Variants in TPO observed in about 807,000 individuals in gnomAD.
The protein encoded by TPO is thyroid microsomal antigen.
In TPO, 78 loss-of-function variants were observed where a neutral mutation model predicts 96.9. That is an observed-to-expected ratio of 0.81 (90% CI 0.67 to 0.97). TPO has a LOEUF of 0.97. TPO is among the 50% of genes least tolerant of loss of function. The pLI, the probability that TPO is intolerant of heterozygous loss-of-function variation, is 0.00. For synonymous variants in TPO, 547 were observed against 538.0 expected (o/e 1.02, Z -0.23); for missense variants, 1,252 against 1,274.8 (o/e 0.98, Z 0.27).
intron 15 of TPO, among the ~76,000 whole-genome samples, chr2:1,526,267 C>T (rs536991401): frequency 1.8e-5 from 2 of 111,860 alleles, no homozygotes; most frequent in Non-Finnish European, 3.5e-5. Context: ...TGAGCAACCA[C>T]CCCAGTCCCC....
intron 1 of TPO, among the ~76,000 whole-genome samples, chr2:1,407,188 G>A (rs1314981959): frequency 6.6e-6 from 1 of 152,172 alleles, no homozygotes; most frequent in Non-Finnish European, 1.5e-5. Context: ...CAAATTGTAT[G>A]TGTACTATTA....
At chr2:1,502,939 G>A (rs538744677) in intron 13 of TPO, among the ~76,000 whole-genome samples, 2 of 152,318 alleles carry the variant, frequency 1.3e-5, no homozygotes, top group Non-Finnish European at 2.9e-5. Flanking sequence ...CTGGGGAGCA[G>A]GTGGCCAGCC....
intron 15 of TPO, among the ~76,000 whole-genome samples, chr2:1,528,185 CATCCCCCCACTGTGTGCAACCTCCTCCA>C (rs1677073457): frequency 8.2e-6 from 1 of 121,838 alleles, no homozygotes; most frequent in Non-Finnish European, 1.7e-5. Context: ...CAAACCCCCA[CATCCCCCCACTGTGTGCAACCTCCTCCA>C]ATCCCCCCAC....
In TPO at chr2:1,436,389, T is replaced by A; in HGVS notation, c.482+5T>A. 6.2e-7 allele frequency: 1 copy of A among 1,614,134 alleles called. No homozygotes were observed. Among genetic ancestry groups the A allele is most frequent in the Non-Finnish European group, 8.5e-7 (1 of 1,180,016 alleles). Reference sequence around the variant, plus strand: ...CACAGGAGCTTGCAACAACAGGTATTGTTTGTGGATTTTCTTAATCTTCTC... The same window carrying A: ...CACAGGAGCTTGCAACAACAGGTATAGTTTGTGGATTTTCTTAATCTTCTC... On this transcript the variant is annotated splice_donor_5th_base_variant and intron_variant, in intron 5 of 16. Coordinates refer to ENST00000329066, the MANE Select transcript of TPO (RefSeq NM_001206744.2).
Position 1,477,411 on chromosome 2 carries a change from C to G in TPO, c.1145C>G (p.Pro382Arg), listed in dbSNP as rs1024606732. Reference protein sequence around the residue: ...PAACAPEPGIPGETRGPCFLA... With the variant: ...PAACAPEPGIRGETRGPCFLA... ...GCCTGTGCGCCCGAGCCCGGCATCCCCGGAGAGACCCGCGGGCCCTGCTTC... is the reference window on the plus strand; with the variant it reads ...GCCTGTGCGCCCGAGCCCGGCATCCGCGGAGAGACCCGCGGGCCCTGCTTC... Residue 382 changes from proline (P) to arginine (R), a missense_variant, in exon 8 of 17, where the codon CCC becomes CGC. Transcript: ENST00000329066. The G allele has an allele frequency of 3.9e-6, 6 of 1,525,714 alleles. No homozygotes were observed. Among genetic ancestry groups the G allele is most frequent in the Non-Finnish European group, 5.3e-6 (6 of 1,139,996 alleles). 94.5% of individuals were successfully genotyped at this position (1,525,714 alleles called of 1,614,324 possible).
rs564853522 is a variant in TPO, at chr2:1,536,828, G to A, written c.2619-3766G>A. Among the ~76,000 whole-genome samples, 302 of 90,778 alleles carry A rather than the reference G, an allele frequency of 3.3e-3. 3 individuals carry two copies. Among genetic ancestry groups the A allele is most frequent in the African/African-American group, 0.011 (280 of 24,438 alleles). The allele number at this position is 90,778 out of a possible 152,430, so 59.6% of individuals were successfully genotyped here. The stretch of plus-strand genomic sequence containing the variant: ...AACCTCCCCAAATCCCCCCCACTGT[G>A]TGCAACCTCCCCAAATCCCGCCACT... On this transcript the variant is annotated intron_variant, in intron 15 of 16. Coordinates refer to ENST00000329066, the MANE Select transcript of TPO (RefSeq NM_001206744.2).
chr2:1,540,881 C>T (rs1680683545), intron 16 of TPO, 158 bp downstream of exon 16: 2 of 1,548,580 alleles, frequency 1.3e-6, no homozygotes, highest in African/African-American at 2.7e-5. Flanking sequence ...TATTTACAAG[C>T]TAATGACAGT....
intron 7 of TPO, among the ~76,000 whole-genome samples, chr2:1,472,197 C>T (rs1669489414): frequency 1.3e-5 from 2 of 152,106 alleles, no homozygotes; most frequent in African/African-American, 2.4e-5. Flanking sequence ...CGTGAATGCT[C>T]ATGGCGTGCC....
intron 1 of TPO, among the ~76,000 whole-genome samples, chr2:1,401,687 TTCTGTACCTCAAA>T (rs1211272552): frequency 6.6e-6 from 1 of 152,116 alleles, no homozygotes; most frequent in Non-Finnish European, 1.5e-5. Context: ...CTAATAAGCA[TTCTGTACCTCAAA>T]TCCTGCCTCA....
chr2:1,497,365 G>T (rs954009055), intron 13 of TPO, among the ~76,000 whole-genome samples: 2 of 152,238 alleles, frequency 1.3e-5, no homozygotes, highest in African/African-American at 4.8e-5. Context: ...TCAGCCCAGG[G>T]CACCTGGGAG....
chr2:1,502,914 A>G (rs187169360), intron 13 of TPO, among the ~76,000 whole-genome samples: 278 of 152,296 alleles, frequency 1.8e-3, no homozygotes, highest in Non-Finnish European at 3.3e-3. Context: ...GTCCCATCCA[A>G]TGCAGCCCCT....
In TPO at chr2:1,419,393, G is replaced by A. The variant is rs80301047; in HGVS notation, c.95-3652G>A. On this transcript the variant is annotated intron_variant, in intron 2 of 16. Transcript: ENST00000329066. ...AACGATAGCAAGGGGCTCAGAGCTG[G>A]CCACCCCAGCTCCCTGGTGGCAGGA... is the stretch of plus-strand genomic sequence containing the variant. Among the ~76,000 whole-genome samples, 287 of 152,294 alleles carry A rather than the reference G, an allele frequency of 1.9e-3. 9 individuals are homozygous for A. The East Asian group carries it at 0.051, about 27-fold the overall frequency.
rs539792530 is a variant in TPO at position 1,534,258 on chromosome 2, C to G, written c.2619-6336C>G. On this transcript the variant is annotated intron_variant, in intron 15 of 16. Coordinates refer to ENST00000329066, the MANE Select transcript of TPO (RefSeq NM_001206744.2). ...CAAATCCCCCATCACTCAGAGCAAC[C>G]TTCTCAAATCCCCCCAATATGAGCA... 6.3e-5 allele frequency among the ~76,000 whole-genome samples: 8 copies of G among 127,660 alleles called. 1 individual carries two copies. Among genetic ancestry groups the G allele is most frequent in the African/African-American group, 1.8e-4 (6 of 33,770 alleles). The allele number at this position is 127,660 out of a possible 152,430, so 83.7% of individuals were successfully genotyped here.
intron 5 of TPO, among the ~76,000 whole-genome samples, chr2:1,444,131 G>T (rs912264936): frequency 7.4e-6 from 1 of 135,220 alleles, no homozygotes; most frequent in Non-Finnish European, 1.6e-5. Context: ...GTATGATCCA[G>T]TCACTGCTGC....
chr2:1,382,913 TC>T (rs1661832324), intron 1 of TPO, among the ~76,000 whole-genome samples: 1 of 128,526 alleles, frequency 7.8e-6, no homozygotes. Context: ...TGTGTGATGT[TC>T]CCCTTCCTGT....
intron 15 of TPO, among the ~76,000 whole-genome samples, chr2:1,531,263 T>C (rs112151557): frequency 2.0e-4 from 19 of 97,254 alleles, no homozygotes; most frequent in African/African-American, 7.4e-4. Flanking sequence ...CCCCACTGTG[T>C]GGACCCTTCT....
At chr2:1,394,345 A>T (rs923705680) in intron 1 of TPO, among the ~76,000 whole-genome samples, 1 of 152,246 alleles carries the variant, frequency 6.6e-6, no homozygotes, top group Non-Finnish European at 1.5e-5. Flanking sequence ...TTTGACGACC[A>T]TGGAGGGTAC....
At chr2:1,536,514 CTTCCTCAAA>C (rs1252504505) in intron 15 of TPO, among the ~76,000 whole-genome samples, 5 of 25,692 alleles carry the variant, frequency 1.9e-4, no homozygotes, top group African/African-American at 7.9e-4. Flanking sequence ...CTGCGTGCAA[CTTCCTCAAA>C]TTCCTCCCCC....
intron 14 of TPO, among the ~76,000 whole-genome samples, chr2:1,512,056 C>T (rs375209125): frequency 7.9e-5 from 12 of 151,014 alleles, no homozygotes; most frequent in African/African-American, 2.7e-4. Context: ...TTTTTTGAGA[C>T]GGAGTCTCGC....
Sources: allele counts gnomAD v4.1 joint callset (sites outside exome capture counted in the v4.1 genomes callset), GRCh38; gene constraint gnomAD v4.1.1; transcripts MANE v1.5; gene names NCBI Gene and HGNC (gene_info 2026-07-23, HGNC 2026-07-21).